Variants in TIAM2 observed in about 807,000 individuals in gnomAD.
The protein encoded by TIAM2 is rho guanine nucleotide exchange factor TIAM2.
TIAM2 carries 80 observed loss-of-function variants against 152.9 expected under a neutral mutation model. That is an observed-to-expected ratio of 0.52 (90% CI 0.44 to 0.63). The LOEUF is 0.63. Ranked by LOEUF, TIAM2 falls within the 30% of genes least tolerant of loss-of-function variation. The probability of loss-of-function intolerance (pLI) is 0.00; values close to 1 mark genes in which losing one functional copy is unlikely to be tolerated. For missense variants in TIAM2, 1,965 were observed against 2,120.1 expected (o/e 0.93, Z 1.44); for synonymous variants, 804 against 838.0 (o/e 0.96, Z 0.70).
intron 26 of TIAM2, chr6:155,255,870 C>A (rs113082030): frequency 6.5e-6 from 1 of 153,516 alleles, no homozygotes; most frequent in Non-Finnish European, 1.4e-5. Flanking sequence ...ATTAGCCAGG[C>A]GTGATCATGC....
chr6:155,073,720 C>A (rs987041601), intron 1 of TIAM2, among the ~76,000 whole-genome samples: 1 of 152,104 alleles, frequency 6.6e-6, no homozygotes, highest in African/African-American at 2.4e-5. Context: ...AGCGAGCTAC[C>A]CCGCTTGCTT....
intron 1 of TIAM2, among the ~76,000 whole-genome samples, chr6:155,023,580 A>C (rs1360324578): frequency 1.3e-5 from 2 of 152,146 alleles, no homozygotes; most frequent in Non-Finnish European, 2.9e-5. Context: ...AACCAGCTGC[A>C]AGTAACCAAG....
chr6:155,202,531 G>T (rs1018545605), intron 14 of TIAM2, among the ~76,000 whole-genome samples: 2 of 151,710 alleles, frequency 1.3e-5, no homozygotes, highest in Non-Finnish European at 2.9e-5. Context: ...TGATCCTCCT[G>T]CCTCAGCCTC....
At chr6:155,075,090 T>A (rs2114959393) in intron 1 of TIAM2, among the ~76,000 whole-genome samples, 1 of 152,068 alleles carries the variant, frequency 6.6e-6, no homozygotes, top group South Asian at 2.1e-4. Context: ...GGGCAAGGAA[T>A]GCAATCCTGG....
intron 15 of TIAM2, among the ~76,000 whole-genome samples, chr6:155,223,527 C>CTTTT (rs11385281): frequency 2.3e-5 from 3 of 130,864 alleles, no homozygotes; most frequent in Non-Finnish European, 4.7e-5. Flanking sequence ...ATTTTTTTTT[C>CTTTT]TTTTTTTTTT....
chr6:155,188,367 T>C (rs1781106929), intron 14 of TIAM2, among the ~76,000 whole-genome samples: 2 of 152,236 alleles, frequency 1.3e-5, no homozygotes, highest in African/African-American at 4.8e-5. Flanking sequence ...CAGGAATATA[T>C]GGAGAATCGT....
intron 2 of TIAM2, among the ~76,000 whole-genome samples, chr6:155,110,318 C>CTTTTTTTTTT (rs67332964): frequency 2.3e-3 from 304 of 133,762 alleles, no homozygotes; most frequent in Non-Finnish European, 3.9e-3. Flanking sequence ...TCTTTCTTTT[C>CTTTTTTTTTT]TTTTTTTTTT....
At chr6:155,044,433 C>G (rs1777115516) in intron 1 of TIAM2, among the ~76,000 whole-genome samples, 2 of 152,226 alleles carry the variant, frequency 1.3e-5, no homozygotes, top group Admixed American at 6.5e-5. Context: ...TAGCTGAACC[C>G]TGTCTGAACA....
chr6:155,102,355 A>G (rs531719141), intron 2 of TIAM2, among the ~76,000 whole-genome samples: 1 of 152,174 alleles, frequency 6.6e-6, no homozygotes, highest in Non-Finnish European at 1.5e-5. Context: ...TGTTATTTAC[A>G]TTTCTTATTT....
chr6:155,013,922 A>ACACG (rs1778530831), intron 1 of TIAM2: 2 of 147,210 alleles, frequency 1.4e-5, no homozygotes. Flanking sequence ...CTGTCTACAC[A>ACACG]CACACACACA....
At chr6:155,083,873 A>G (rs1475355836) in intron 1 of TIAM2, among the ~76,000 whole-genome samples, 1 of 152,234 alleles carries the variant, frequency 6.6e-6, no homozygotes, top group African/African-American at 2.4e-5. Context: ...AACCAGATAA[A>G]TGTAGCCTTA....
chr6:155,130,855 C>T (rs1207991114), intron 4 of TIAM2, among the ~76,000 whole-genome samples: 1 of 152,170 alleles, frequency 6.6e-6, no homozygotes, highest in East Asian at 1.9e-4. Flanking sequence ...TTTTCCTCTT[C>T]TTATAAGGAC....
At chr6:155,146,833 G>A (rs1435186577) in intron 6 of TIAM2, among the ~76,000 whole-genome samples, 2 of 148,550 alleles carry the variant, frequency 1.3e-5, no homozygotes, top group Non-Finnish European at 3.0e-5. Flanking sequence ...TGGCCAGGCT[G>A]GTTTCGAACT....
rs923206890 is a variant in TIAM2 at position 155,214,218 on chromosome 6, T to C, written c.3168+2911T>C. Among the ~76,000 whole-genome samples, 4 of 152,244 alleles carry C rather than the reference T, an allele frequency of 2.6e-5. No homozygotes were observed. Among genetic ancestry groups the C allele is most frequent in the African/African-American group, 7.2e-5 (3 of 41,480 alleles). ...GCTGGCTCCATGGAACGCACAGCGC[T>C]GGCCGTGCCTCCCCCGGTGCAGCCG... On this transcript the variant is annotated intron_variant, in intron 15 of 26. Coordinates refer to ENST00000682666, the MANE Select transcript of TIAM2 (RefSeq NM_012454.4). The surrounding 1 kb of genome is among the most constrained non-coding windows in gnomAD (Gnocchi z 5.4).
At chr6:155,114,041 TTTTTTTTTC>T (rs1455032504) in intron 2 of TIAM2, among the ~76,000 whole-genome samples, 825 of 66,964 alleles carry the variant, frequency 0.012, 14 homozygotes, top group African/African-American at 0.039. Flanking sequence ...TATATATTTT[TTTTTTTTTC>T]TTTTTTTTTT....
At chr6:155,211,018 G>C (rs1056806402) in intron 14 of TIAM2, among the ~76,000 whole-genome samples, 186 bp from the exon 15 acceptor site, 1 of 152,144 alleles carries the variant, frequency 6.6e-6, no homozygotes, top group Non-Finnish European at 1.5e-5. Context: ...CAATTAGCAA[G>C]ACCCTAGATC....
intron 14 of TIAM2, among the ~76,000 whole-genome samples, chr6:155,207,493 C>T (rs979833377): frequency 2.6e-5 from 4 of 152,320 alleles, no homozygotes; most frequent in South Asian, 4.1e-4. Context: ...GAAACTTGGG[C>T]AGTAGAACAC....
intron 5 of TIAM2, among the ~76,000 whole-genome samples, chr6:155,139,139 T>A (rs1779627974): frequency 6.6e-6 from 1 of 152,190 alleles, no homozygotes; most frequent in South Asian, 2.1e-4. Context: ...AGCAGAAACA[T>A]CTGCAAATAC....
intron 1 of TIAM2, among the ~76,000 whole-genome samples, chr6:155,026,594 G>C (rs1776606949): frequency 6.6e-6 from 1 of 152,228 alleles, no homozygotes; most frequent in African/African-American, 2.4e-5. Flanking sequence ...ATCCCAGTGG[G>C]GACTGGCAGT....
Sources: allele counts gnomAD v4.1 joint callset (sites outside exome capture counted in the v4.1 genomes callset), GRCh38; gene constraint gnomAD v4.1.1; non-coding constraint Gnocchi (gnomAD v3.1); transcripts MANE v1.5; gene names NCBI Gene and HGNC (gene_info 2026-07-23, HGNC 2026-07-21).